The following ERI1 variants were observed in gnomAD, a reference collection of about 807,000 sequenced individuals.
The protein encoded by ERI1 is 3'-5' exoribonuclease 1.
In ERI1, 39 loss-of-function variants were observed where a neutral mutation model predicts 39.7. That is an observed-to-expected ratio of 0.98 (90% CI 0.76 to 1.28). The LOEUF (loss-of-function observed/expected upper bound fraction) is 1.28. Ranked by LOEUF, ERI1 falls within the 50% of genes most tolerant of loss-of-function variation. The probability of loss-of-function intolerance (pLI) is 0.00; values close to 1 mark genes in which losing one functional copy is unlikely to be tolerated. For synonymous variants in ERI1, 204 were observed against 149.6 expected (o/e 1.36, Z -2.65); for missense variants, 581 against 416.9 (o/e 1.39, Z -3.43).
At chr8:9,007,852 A>C (rs753054896) in intron 1 of ERI1, 118 bp from the exon 2 acceptor site, 1 of 1,413,630 alleles carries the variant, frequency 7.1e-7, no homozygotes, top group Non-Finnish European at 9.3e-7. Context: ...CTTTTCATTG[A>C]ACATGTAGCA....
Position 9,078,345 on chromosome 8 carries a change from C to T in ERI1, n.300-38003C>T, listed in dbSNP as rs145991064. Among the ~76,000 whole-genome samples the T allele has an allele frequency of 6.5e-4, 98 of 149,914 alleles. No individual in the cohort carries two copies. The East Asian group carries it at 0.018, about 27-fold the overall frequency. ...CTGTATAGCACTTTTTTTTTTTTAG[C>T]TCATACAGTATTTTTACAAACACAA... is the stretch of plus-strand genomic sequence containing the variant. On this transcript the variant is annotated intron_variant and non_coding_transcript_variant, in intron 3 of 3. Transcript: ENST00000518663.
At position 9,010,942 on chromosome 8, in the gene ERI1, C is replaced by T. The variant is rs116741985; in HGVS notation, c.288-600C>T. 2.1e-3 allele frequency among the ~76,000 whole-genome samples: 323 copies of T among 152,184 alleles called. 2 individuals are homozygous for T. The highest frequency in any genetic ancestry group is 7.3e-3 in the African/African-American group (305 of 41,532). On this transcript the variant is annotated intron_variant, in intron 2 of 6. Coordinates refer to ENST00000250263, the MANE Select transcript of ERI1 (RefSeq NM_153332.4). ...TTAAGAACCTACTAGTGTGATAATG[C>T]TCCTTTGGACAGTTTACTTAGAGTG...
chr8:9,099,674 C>G (rs1799990294), intron 3 of ERI1, among the ~76,000 whole-genome samples: 1 of 151,402 alleles, frequency 6.6e-6, no homozygotes, highest in South Asian at 2.1e-4. Context: ...TACTCTTTTT[C>G]ACGTGGCTTT....
At chr8:9,096,505 GACA>G (rs1269677200) in intron 3 of ERI1, among the ~76,000 whole-genome samples, 1 of 152,078 alleles carries the variant, frequency 6.6e-6, no homozygotes, top group Non-Finnish European at 1.5e-5. Flanking sequence ...AAAGAACTTG[GACA>G]ACGTCACTGC....
At chr8:9,033,972 T>A (rs1797753063), downstream of ERI1, among the ~76,000 whole-genome samples, 1 of 152,270 alleles carries the variant, frequency 6.6e-6, no homozygotes, top group African/African-American at 2.4e-5. Flanking sequence ...TGTTAACTTC[T>A]AATGTGACCA....
intron 3 of ERI1, among the ~76,000 whole-genome samples, chr8:9,040,801 AACTTAG>A (rs1432877101): frequency 6.6e-6 from 1 of 152,090 alleles, no homozygotes; most frequent in Non-Finnish European, 1.5e-5. Context: ...TGACAAAACG[AACTTAG>A]ACTTTTGTAA....
intron 6 of ERI1, among the ~76,000 whole-genome samples, chr8:9,025,003 AAATG>A (rs546207726): frequency 2.2e-4 from 34 of 152,338 alleles, no homozygotes; most frequent in Admixed American, 3.9e-4. Context: ...TACTGCTTTC[AAATG>A]AATGACAGGA....
intron 3 of ERI1, among the ~76,000 whole-genome samples, chr8:9,072,742 C>G (rs1417967582): frequency 6.6e-6 from 1 of 152,164 alleles, no homozygotes; most frequent in East Asian, 1.9e-4. Context: ...GACATGTGCT[C>G]TGCCACAGTG....
intron 3 of ERI1, among the ~76,000 whole-genome samples, chr8:9,013,227 C>G (rs13264350): frequency 1.3e-5 from 2 of 151,160 alleles, no homozygotes; most frequent in Non-Finnish European, 2.9e-5. Flanking sequence ...GTTGCGCAGG[C>G]TGGTTTCAAA....
intron 3 of ERI1, among the ~76,000 whole-genome samples, chr8:9,070,236 C>CAA: frequency 8.4e-6 from 1 of 119,382 alleles, no homozygotes; most frequent in East Asian, 2.4e-4. Context: ...GACGCTGTCT[C>CAA]AAAAAAAAAA....
chr8:9,097,666 CA>C (rs11380594), intron 3 of ERI1, among the ~76,000 whole-genome samples: 4,970 of 96,664 alleles, frequency 0.051, 151 homozygotes, highest in African/African-American at 0.14. Context: ...GACACTCTGT[CA>C]AAAAAAAAAA....
rs1350151624 is a variant in ERI1 at position 9,030,712 on chromosome 8, A to G, written c.*678A>G. 2 of 152,228 alleles carry G rather than the reference A, an allele frequency of 1.3e-5. No individual in the cohort carries two copies. Among genetic ancestry groups the G allele is most frequent in the African/African-American group, 4.8e-5 (2 of 41,454 alleles). The allele number at this position is 152,228 out of a possible 1,614,324, so 9.4% of individuals were successfully genotyped here. On this transcript the variant is annotated 3_prime_UTR_variant, in exon 7 of 7. Coordinates refer to ENST00000250263, the MANE Select transcript of ERI1 (RefSeq NM_153332.4). ...TCATAAGGGCTGTAGCTCAAACTTC[A>G]TAATACATAAATCACTGGGGTCTTT...
chr8:9,086,867 C>A (rs949358331), intron 3 of ERI1, among the ~76,000 whole-genome samples: 1 of 152,172 alleles, frequency 6.6e-6, no homozygotes, highest in Non-Finnish European at 1.5e-5. Context: ...TGTTTTCCTG[C>A]AATGGACTTA....
chr8:9,082,402 G>A (rs1015419552), intron 3 of ERI1, among the ~76,000 whole-genome samples: 3 of 152,174 alleles, frequency 2.0e-5, no homozygotes, highest in Non-Finnish European at 4.4e-5. Flanking sequence ...CTCTGCCATG[G>A]AAACCTGATC....
chr8:9,082,922 A>G (rs1163372233), intron 3 of ERI1, among the ~76,000 whole-genome samples: 3 of 152,204 alleles, frequency 2.0e-5, no homozygotes, highest in Non-Finnish European at 2.9e-5. Flanking sequence ...TGTAAGTCAT[A>G]AAAGTAGGGT....
intron 3 of ERI1, among the ~76,000 whole-genome samples, chr8:9,066,848 C>T (rs1798895935): frequency 6.6e-6 from 1 of 151,988 alleles, no homozygotes; most frequent in Non-Finnish European, 1.5e-5. Context: ...TGGTGATCGC[C>T]TTGCCTCACT....
chr8:9,044,886 C>G (rs1340001190), intron 3 of ERI1, among the ~76,000 whole-genome samples: 2 of 152,100 alleles, frequency 1.3e-5, no homozygotes, highest in Middle Eastern at 3.2e-3. Context: ...AGCCAGATTT[C>G]ACATGGTGAG....
intron 3 of ERI1, among the ~76,000 whole-genome samples, chr8:9,057,858 G>A (rs1256981043): frequency 4.6e-5 from 7 of 152,188 alleles, no homozygotes; most frequent in South Asian, 2.1e-4. Flanking sequence ...GGGACACTGC[G>A]TCTGGCAGAG....
chr8:9,089,599 C>G (rs1241385469), intron 3 of ERI1, among the ~76,000 whole-genome samples: 1 of 152,198 alleles, frequency 6.6e-6, no homozygotes, highest in Non-Finnish European at 1.5e-5. Flanking sequence ...TGAGTGGAGA[C>G]TCCTGGCTCT....
Sources: gnomAD v4.1 joint callset for allele counts (sites outside exome capture counted in the v4.1 genomes callset) on GRCh38, gnomAD v4.1.1 for gene constraint, MANE v1.5 for transcripts, NCBI Gene and HGNC (gene_info 2026-07-23, HGNC 2026-07-21) for gene names.